The following CIMAP1D variants were observed in gnomAD, a reference collection of about 807,000 sequenced individuals.
The protein encoded by CIMAP1D is protein CIMAP1D.
At chr19:483,294 C>T in the CIMAP1D span, among the ~76,000 whole-genome samples, 15,334 of 133,222 alleles carry the variant, frequency 0.12, 2,085 homozygotes, top group African/African-American at 0.32. Context: ...ATCCCTGGGA[C>T]GCCTCTCCCA....
chr19:467,048 G>A, the CIMAP1D span, among the ~76,000 whole-genome samples: 1 of 97,890 alleles, frequency 1.0e-5, no homozygotes, highest in East Asian at 2.6e-4. Flanking sequence ...AGGATGGGTG[G>A]ATAGATGGAT....
At chr19:486,750 T>C in the CIMAP1D span, among the ~76,000 whole-genome samples, 14 of 150,428 alleles carry the variant, frequency 9.3e-5, no homozygotes, top group Non-Finnish European at 1.3e-4. Context: ...CCGTCTCTAC[T>C]AAAAATACAA....
At chr19:489,540 C>G in the CIMAP1D span, 1 of 153,344 alleles carries the variant, frequency 6.5e-6, no homozygotes, top group Non-Finnish European at 1.5e-5. Context: ...GAGCCGAGGG[C>G]CTTGGCCCAG....
chr19:471,901 C>G, the CIMAP1D span, among the ~76,000 whole-genome samples: 1 of 152,134 alleles, frequency 6.6e-6, no homozygotes, highest in Non-Finnish European at 1.5e-5. Flanking sequence ...CGCCACCACG[C>G]CCGGCTAATT....
At chr19:472,423 G>A in the CIMAP1D span, 1 of 1,545,110 alleles carries the variant, frequency 6.5e-7, no homozygotes, top group Admixed American at 2.0e-5. Flanking sequence ...GAGCGAGTAG[G>A]CGGGACTGGC....
At chr19:464,205 C>T in the CIMAP1D span, 1 of 1,515,542 alleles carries the variant, frequency 6.6e-7, no homozygotes, top group Non-Finnish European at 8.8e-7. Context: ...CTGTGAGCCC[C>T]ACAGAGGGGG....
the CIMAP1D span, chr19:472,543 C>T: frequency 1.4e-6 from 2 of 1,398,496 alleles, no homozygotes; most frequent in South Asian, 1.3e-5. Flanking sequence ...GGCCCAGATT[C>T]CCCGAAGAAG....
chr19:480,493 A>AACAAT, the CIMAP1D span, among the ~76,000 whole-genome samples: 1 of 150,848 alleles, frequency 6.6e-6, no homozygotes, highest in East Asian at 2.0e-4. Context: ...GATGATGGTA[A>AACAAT]GGATGATGGA....
chr19:474,722 G>A, the CIMAP1D span: 4 of 1,547,112 alleles, frequency 2.6e-6, no homozygotes, highest in Non-Finnish European at 3.5e-6. Flanking sequence ...CAGCCGTGGG[G>A]TGGAGTCGCA....
chr19:471,737 T>G, the CIMAP1D span, among the ~76,000 whole-genome samples: 10 of 110,312 alleles, frequency 9.1e-5, no homozygotes. Context: ...TTACTATTGT[T>G]AACTTTTTTT....
the CIMAP1D span, chr19:464,085 G>C: frequency 9.1e-6 from 14 of 1,543,796 alleles, no homozygotes; most frequent in Non-Finnish European, 1.2e-5. Flanking sequence ...GTTTGCGTCC[G>C]GGCTGTCGTA....
chr19:485,323 G>A, the CIMAP1D span, among the ~76,000 whole-genome samples: 643 of 152,312 alleles, frequency 4.2e-3, 3 homozygotes, highest in African/African-American at 0.015. Context: ...GGAGCCGGGC[G>A]TGCCCGAGCC....
the CIMAP1D span, among the ~76,000 whole-genome samples, chr19:484,562 C>T: frequency 6.6e-6 from 1 of 152,182 alleles, no homozygotes; most frequent in Non-Finnish European, 1.5e-5. Flanking sequence ...CCAGGAAGGC[C>T]CCCTGAAGAG....
chr19:488,952 C>T, the CIMAP1D span, among the ~76,000 whole-genome samples: 2 of 151,728 alleles, frequency 1.3e-5, no homozygotes, highest in Middle Eastern at 3.2e-3. Flanking sequence ...GCCGCCAGGG[C>T]GTCCGCGCCG....
At chr19:478,230 G>A in the CIMAP1D span, among the ~76,000 whole-genome samples, 1 of 152,186 alleles carries the variant, frequency 6.6e-6, no homozygotes, top group Non-Finnish European at 1.5e-5. Context: ...GGGCTCCCAC[G>A]GCTAAAGAGA....
the CIMAP1D span, chr19:474,683 G>A: frequency 1.2e-5 from 19 of 1,573,952 alleles, 1 homozygote; most frequent in African/African-American, 6.8e-5. Flanking sequence ...CTGGCCCTCC[G>A]TCACTCGCCG....
the CIMAP1D span, among the ~76,000 whole-genome samples, chr19:474,079 G>A: frequency 6.6e-6 from 1 of 152,120 alleles, no homozygotes; most frequent in Non-Finnish European, 1.5e-5. Flanking sequence ...CATGTGTTGT[G>A]GCTTCTGCAG....
chr19:491,523 G>A, the CIMAP1D span, among the ~76,000 whole-genome samples: 2 of 152,046 alleles, frequency 1.3e-5, no homozygotes, highest in African/African-American at 4.8e-5. Context: ...CGTGAGACAG[G>A]GCCGTGGAAG....
the CIMAP1D span, among the ~76,000 whole-genome samples, chr19:482,268 T>C: frequency 6.6e-6 from 1 of 152,226 alleles, no homozygotes; most frequent in Non-Finnish European, 1.5e-5. Flanking sequence ...TGCCTCAGTG[T>C]GGAGCGTCCA....
Sources: allele counts gnomAD v4.1 joint callset (sites outside exome capture counted in the v4.1 genomes callset), GRCh38; gene constraint gnomAD v4.1.1; transcripts MANE v1.5; gene names NCBI Gene and HGNC (gene_info 2026-07-23, HGNC 2026-07-21).